Variants in S1PR2 observed in about 807,000 individuals in gnomAD.
S1PR2 encodes the protein sphingosine 1-phosphate receptor 2.
Under a neutral mutation model 16.1 loss-of-function variants are expected in S1PR2, and 9 were observed. The ratio of observed to expected loss-of-function variants is 0.56; its 90% CI spans 0.34 to 0.98. The LOEUF is 0.98. Among genes scored for constraint, S1PR2 ranks in the 50% least tolerant of loss-of-function variants. The pLI is 0.02. For missense variants in S1PR2, 361 were observed against 488.4 expected (o/e 0.74, Z 2.46); for synonymous variants, 224 against 233.9 (o/e 0.96, Z 0.38).
At position 10,231,240 on chromosome 19, in the gene S1PR2, G is replaced by A. The variant is rs542466473; in HGVS notation, c.-79C>T. 1.7e-3 allele frequency: 256 copies of A among 152,490 alleles called. No individual in the cohort carries two copies. Among genetic ancestry groups the A allele is most frequent in the African/African-American group, 5.7e-3 (237 of 41,582 alleles). The allele number at this position is 152,490 out of a possible 1,614,324, so 9.4% of individuals were successfully genotyped here. ...GGCCCGGCTCCCGGCCCTGGCCGGA[G>A]GGGCCTTGGCGTCTGCGTCCCCAGG... is the stretch of plus-strand genomic sequence containing the variant. On this transcript the variant is annotated 5_prime_UTR_variant, in exon 1 of 2. Transcript: ENST00000646641.
At position 10,223,567 on chromosome 19, in the gene S1PR2, T is replaced by G; in HGVS notation, c.*277A>C. On this transcript the variant is annotated 3_prime_UTR_variant, in exon 2 of 2. Transcript: ENST00000646641. The stretch of plus-strand genomic sequence containing the variant: ...CCTTAAATGCTGCCTGCCCTCACCC[T>G]GGCTCTTCACAGGTCCCCTGCCCTG... The G allele has an allele frequency of 2.3e-6, 1 of 432,580 alleles. No homozygotes were observed. The highest frequency in any genetic ancestry group is 5.9e-4 in the Middle Eastern group (1 of 1,690). 26.8% of individuals were successfully genotyped at this position (432,580 alleles called of 1,614,324 possible). A position where few individuals can be genotyped will look rare whatever the true frequency, so the allele number is the denominator to read the frequency against.
At chr19:10,227,868 G>T (rs750147746) in intron 1 of S1PR2, among the ~76,000 whole-genome samples, 8 of 152,124 alleles carry the variant, frequency 5.3e-5, no homozygotes, top group Non-Finnish European at 1.2e-4. Flanking sequence ...CCCCCAGGCT[G>T]CCCTGGCCTG....
Position 10,224,098 on chromosome 19 carries a change from C to T in S1PR2, c.808G>A (p.Ala270Thr). ...GTGGAGACGGCGAAAAAGTAGTGGG[C>T]TTTGTAGAGGATCGGGCAGGAGTGG... Reference protein sequence around the residue: ...PVHSCPILYKAHYFFAVSTLN... With the variant: ...PVHSCPILYKTHYFFAVSTLN... The change falls in exon 2 of 2, where the codon GCC (alanine) becomes ACC (threonine). Residue 270 changes from alanine to threonine, a missense_variant. Transcript: ENST00000646641. 1.2e-6 allele frequency: 2 copies of T among 1,605,716 alleles called. No homozygotes were observed. The highest frequency in any genetic ancestry group is 1.3e-5 in the African/African-American group (1 of 75,058).
At chr19:10,230,223 A>T (rs1372853939) in intron 1 of S1PR2, among the ~76,000 whole-genome samples, 1 of 152,298 alleles carries the variant, frequency 6.6e-6, no homozygotes, top group Admixed American at 6.5e-5. Flanking sequence ...TGGTTTAGGA[A>T]TGCGCGGTAT....
intron 1 of S1PR2, among the ~76,000 whole-genome samples, chr19:10,230,692 C>T (rs10424806): frequency 0.071 from 10,773 of 152,294 alleles, 1,235 homozygotes; most frequent in African/African-American, 0.24. Context: ...CCTTACAAAA[C>T]AAAGCCACGC....
Position 10,221,632 on chromosome 19 carries a change from C to T in S1PR2, c.*2212G>A, listed in dbSNP as rs1050257730. 4 of 152,282 alleles carry T rather than the reference C, an allele frequency of 2.6e-5. No individual in the cohort carries two copies. Among genetic ancestry groups the T allele is most frequent in the African/African-American group, 9.7e-5 (4 of 41,428 alleles). The allele number at this position is 152,282 out of a possible 1,614,324, so 9.4% of individuals were successfully genotyped here. On this transcript the variant is annotated 3_prime_UTR_variant, in exon 2 of 2. Transcript: ENST00000646641. ...CCAAGGTGAGCTGCACCCCAGCTCT[C>T]CAGTGGGAGGATGGGCCAGCAATTC...
chr19:10,224,671 C>T lies in S1PR2; in HGVS notation c.235G>A (p.Asp79Asn), dbSNP rs754046468. 2.5e-6 allele frequency: 4 copies of T among 1,614,012 alleles called. No individual in the cohort carries two copies. Among genetic ancestry groups the T allele is most frequent in the Admixed American group, 1.7e-5 (1 of 60,002 alleles). The part of the protein sequence containing the change: ...YLFLGNLAAS[D>N]LLAGVAFVAN... ...ACGAAGGCCACGCCTGCCAGTAGAT[C>T]GGAGGCGGCCAGGTTGCCCAGAAAC... Residue 79 changes from aspartate to asparagine, a missense_variant, in exon 2 of 2, where the codon GAT (aspartate) becomes AAT (asparagine). Asp to Asn is a conservative substitution (Grantham distance 23). Transcript: ENST00000646641.
chr19:10,225,171 G>C (rs2039624883), intron 1 of S1PR2, among the ~76,000 whole-genome samples: 2 of 152,134 alleles, frequency 1.3e-5, no homozygotes, highest in South Asian at 2.1e-4. Flanking sequence ...GGGCCAGAGA[G>C]ACTGGCTCTG....
chr19:10,227,609 G>A (rs935812326), intron 1 of S1PR2, among the ~76,000 whole-genome samples: 2 of 152,214 alleles, frequency 1.3e-5, no homozygotes, highest in African/African-American at 4.8e-5. Flanking sequence ...CTGATGGGCC[G>A]GAAACAGCCC....
chr19:10,223,749 T>A lies in S1PR2; in HGVS notation c.*95A>T. On this transcript the variant is annotated 3_prime_UTR_variant, in exon 2 of 2. Coordinates refer to ENST00000646641, the MANE Select transcript of S1PR2 (RefSeq NM_004230.4). ...CACCCAGGTCTGTGGGGCGGGGGCA[T>A]CTGGCTCAGTAGCCCCAAGTCTCTA... The A allele has an allele frequency of 8.5e-7, 1 of 1,179,426 alleles. No individual in the cohort carries two copies. The highest frequency in any genetic ancestry group is 1.2e-6 in the Non-Finnish European group (1 of 841,324). 73.1% of individuals were successfully genotyped at this position (1,179,426 alleles called of 1,614,324 possible).
At position 10,224,254 on chromosome 19, in the gene S1PR2, A is replaced by AGCGGGCCATGTCAGCGTGGCTTGT; in HGVS notation, c.651_652insACAAGCCACGCTGACATGGCCCGC (p.Arg217_Ser218insThrSerHisAlaAspMetAlaArg). 6.2e-7 allele frequency: 1 copy of AGCGGGCCATGTCAGCGTGGCTTGT among 1,613,940 alleles called. No homozygotes were observed. Among genetic ancestry groups the AGCGGGCCATGTCAGCGTGGCTTGT allele is most frequent in the South Asian group, 1.1e-5 (1 of 91,084 alleles). On this transcript the variant is annotated inframe_insertion, in exon 2 of 2. Coordinates refer to ENST00000646641, the MANE Select transcript of S1PR2 (RefSeq NM_004230.4). The stretch of plus-strand genomic sequence containing the variant: ...GGGGCGGCCATGTCAGCGTGGCTTG[A>AGCGGGCCATGTCAGCGTGGCTTGT]GCGGACCACGCAGTAGATGCGCACG...
At position 10,229,713 on chromosome 19, in the gene S1PR2, C is replaced by G. The variant is rs1159999852; in HGVS notation, c.-43+1491G>C. Among the ~76,000 whole-genome samples the G allele has an allele frequency of 2.0e-5, 3 of 152,268 alleles. No homozygotes were observed. The East Asian group carries it at 5.8e-4, about 29-fold the overall frequency. On this transcript the variant is annotated intron_variant, in intron 1 of 1. Transcript: ENST00000646641. ...CCCTACCTTATAGAAAGTGACCTTT[C>G]TATTTAAAGGTCACTTCCTCAGAGG...
rs949112705 is a variant in S1PR2, at chr19:10,223,239, C to A, written c.*605G>T. On this transcript the variant is annotated 3_prime_UTR_variant, in exon 2 of 2. Transcript: ENST00000646641. ...CGGTGGCTCACGCCTGTAATCCCAG[C>A]ACTTTGGGAGGCCGAGGCGGGCGGA... 7.3e-6 allele frequency: 1 copy of A among 137,776 alleles called. No individual in the cohort carries two copies. The highest frequency in any genetic ancestry group is 2.8e-5 in the African/African-American group (1 of 36,126). The allele number at this position is 137,776 out of a possible 1,614,324, so 8.5% of individuals were successfully genotyped here. A position where few individuals can be genotyped will look rare whatever the true frequency, so the allele number is the denominator to read the frequency against.
chr19:10,227,269 T>C (rs1226803806), intron 1 of S1PR2, among the ~76,000 whole-genome samples: 1 of 152,024 alleles, frequency 6.6e-6, no homozygotes, highest in East Asian at 1.9e-4. Context: ...TCCAGAAAAG[T>C]CTGGTTAGGC....
chr19:10,226,096 CTT>C (rs1568275890), intron 1 of S1PR2, among the ~76,000 whole-genome samples: 1 of 152,230 alleles, frequency 6.6e-6, no homozygotes, highest in Non-Finnish European at 1.5e-5. Flanking sequence ...GGGTTTGTCT[CTT>C]TTCTGGAACA....
At chr19:10,230,192 C>CG in intron 1 of S1PR2, among the ~76,000 whole-genome samples, 1 of 152,332 alleles carries the variant, frequency 6.6e-6, no homozygotes, top group East Asian at 1.9e-4. Context: ...CGTGCTGGCC[C>CG]GCACTCTCGG....
chr19:10,224,595 T>C lies in S1PR2; in HGVS notation c.311A>G (p.Gln104Arg). 1 of 1,613,960 alleles carries C rather than the reference T, an allele frequency of 6.2e-7. No individual in the cohort carries two copies. The highest frequency in any genetic ancestry group is 8.5e-7 in the Non-Finnish European group (1 of 1,180,018). ...GGCAGAGCCCTCCCGGGCAAACCAC[T>C]GCACAGGCGTCAGCCTCAGCGTGAC... ...GSVTLRLTPV[Q>R]WFAREGSAFI... The change falls in exon 2 of 2, where the codon CAG (glutamine) becomes CGG (arginine). Residue 104 changes from glutamine to arginine, a missense_variant. Coordinates refer to ENST00000646641, the MANE Select transcript of S1PR2 (RefSeq NM_004230.4).
Position 10,224,679 on chromosome 19 carries a change from G to A in S1PR2, c.227C>T (p.Ala76Val). 6.2e-7 allele frequency: 1 copy of A among 1,614,158 alleles called. No individual in the cohort carries two copies. The highest frequency in any genetic ancestry group is 8.5e-7 in the Non-Finnish European group (1 of 1,180,048). Reference sequence around the variant, plus strand: ...CACGCCTGCCAGTAGATCGGAGGCGGCCAGGTTGCCCAGAAACAGGTACAT... The same window carrying A: ...CACGCCTGCCAGTAGATCGGAGGCGACCAGGTTGCCCAGAAACAGGTACAT... ...SAMYLFLGNL[A>V]ASDLLAGVAF... The change falls in exon 2 of 2, where the codon GCC becomes GTC. Residue 76 changes from alanine (A) to valine (V), a missense_variant. Transcript: ENST00000646641.
chr19:10,226,086 G>A (rs1233499334), intron 1 of S1PR2, among the ~76,000 whole-genome samples: 1 of 152,238 alleles, frequency 6.6e-6, no homozygotes, highest in African/African-American at 2.4e-5. Flanking sequence ...AGGTCCTGGA[G>A]GGTTTGTCTC....
Sources: allele counts gnomAD v4.1 joint callset (sites outside exome capture counted in the v4.1 genomes callset), GRCh38; gene constraint gnomAD v4.1.1; transcripts MANE v1.5; gene names NCBI Gene and HGNC (gene_info 2026-07-23, HGNC 2026-07-21).